PANK3: variants seen among roughly 807,000 people sequenced by gnomAD.
The protein encoded by PANK3 is pantothenate kinase 3, also known as hPanK3.
A neutral mutation model predicts 39.4 loss-of-function variants in PANK3; 20 were observed. The ratio of observed to expected loss-of-function variants is 0.51; its 90% CI spans 0.36 to 0.74. The LOEUF is 0.74. Among genes scored for constraint, PANK3 ranks in the 30% least tolerant of loss-of-function variants. The pLI, the probability that PANK3 is intolerant of heterozygous loss-of-function variation, is 0.00. For synonymous variants in PANK3, 140 were observed against 157.3 expected (o/e 0.89, Z 0.82); for missense variants, 265 against 437.0 (o/e 0.61, Z 3.51).
At chr5:168,568,597 A>C (rs764634057) in intron 2 of PANK3, 49 bp downstream of exon 2, 2 of 1,327,058 alleles carry the variant, frequency 1.5e-6, no homozygotes, top group Non-Finnish European at 2.1e-6. Flanking sequence ...ACCTACTCTC[A>C]TATTTAAAAA....
Position 168,556,419 on chromosome 5 carries a change from C to G in PANK3, c.*1152G>C, listed in dbSNP as rs1025957864. ...CTTGGTGACACTCAGCCTCTCTTCC[C>G]CTTTTCCTATGTTGCTCAATCTTCC... On this transcript the variant is annotated 3_prime_UTR_variant, in exon 7 of 7. Transcript: ENST00000239231. 1 of 152,264 alleles carries G rather than the reference C, an allele frequency of 6.6e-6. No individual in the cohort carries two copies. Among genetic ancestry groups the G allele is most frequent in the African/African-American group, 2.4e-5 (1 of 41,440 alleles). 9.4% of individuals were successfully genotyped at this position (152,264 alleles called of 1,614,324 possible).
intron 1 of PANK3, 32 bp from the exon 2 acceptor site, chr5:168,569,030 A>AAATAT (rs1554125888): frequency 4.2e-4 from 51 of 120,346 alleles, no homozygotes; most frequent in East Asian, 3.9e-3. Flanking sequence ...AAAAAAAAAA[A>AAATAT]ATATATATAT....
At chr5:168,571,450 T>G (rs1477135308) in intron 1 of PANK3, among the ~76,000 whole-genome samples, 1 of 152,190 alleles carries the variant, frequency 6.6e-6, no homozygotes, top group Non-Finnish European at 1.5e-5. Context: ...CAAACTTGCC[T>G]GAGGTCAAAC....
rs902192369 is a variant in PANK3 at position 168,554,405 on chromosome 5, A to C, written c.*3166T>G. On this transcript the variant is annotated 3_prime_UTR_variant, in exon 7 of 7. Coordinates refer to ENST00000239231, the MANE Select transcript of PANK3 (RefSeq NM_024594.4). ...TTTTCAGTAGACTATCAAGAGATGC[A>C]TGATAAAGACATTTCCCCATGTAGT... is the stretch of plus-strand genomic sequence containing the variant. 1.1e-4 allele frequency: 17 copies of C among 152,224 alleles called. No individual in the cohort carries two copies. Among genetic ancestry groups the C allele is most frequent in the African/African-American group, 3.9e-4 (16 of 41,462 alleles). The allele number at this position is 152,224 out of a possible 1,614,324, so 9.4% of individuals were successfully genotyped here.
In PANK3 at chr5:168,559,236, A is replaced by G; in HGVS notation, c.937-79T>C. On this transcript the variant is annotated intron_variant, in intron 5 of 6. Transcript: ENST00000239231. ...AAAAGGTTTCTAAATATTTATTTAA[A>G]ATTTATTTTAAAATGCAAAAAAACA... is the stretch of plus-strand genomic sequence containing the variant. 6 of 1,005,972 alleles carry G rather than the reference A, an allele frequency of 6.0e-6. No individual in the cohort carries two copies. In the South Asian group the frequency reaches 1.3e-4, roughly 22 times the overall value. 62.3% of individuals were successfully genotyped at this position (1,005,972 alleles called of 1,614,324 possible).
In PANK3 at chr5:168,556,832, TAGAC is replaced by T. The variant is rs940499376; in HGVS notation, c.*735_*738del. Reference sequence around the variant, plus strand: ...CATTACAATAGTCCCAGGACTTCATTAGACAGACTCCCAGTAATTAAGCCTCCAA... The same window carrying T: ...CATTACAATAGTCCCAGGACTTCATTAGACTCCCAGTAATTAAGCCTCCAA... On this transcript the variant is annotated 3_prime_UTR_variant, in exon 7 of 7. Coordinates refer to ENST00000239231, the MANE Select transcript of PANK3 (RefSeq NM_024594.4). The T allele has an allele frequency of 3.9e-5, 6 of 152,646 alleles. No individual in the cohort carries two copies. The highest frequency in any genetic ancestry group is 1.4e-4 in the African/African-American group (6 of 41,460). The allele number at this position is 152,646 out of a possible 1,614,324, so 9.5% of individuals were successfully genotyped here.
intron 1 of PANK3, among the ~76,000 whole-genome samples, chr5:168,573,641 A>G (rs971379040): frequency 6.1e-5 from 9 of 148,132 alleles, no homozygotes; most frequent in East Asian, 2.1e-4. Context: ...AGCATTAGGT[A>G]TATCTCCCAA....
At chr5:168,558,740 C>T (rs1193301754) in intron 6 of PANK3, among the ~76,000 whole-genome samples, 1 of 152,164 alleles carries the variant, frequency 6.6e-6, no homozygotes, top group East Asian at 1.9e-4. Flanking sequence ...CATGGTGGCT[C>T]ACACCTATAA....
rs754706475 is a variant in PANK3 at position 168,559,080 on chromosome 5, C to T, written c.1014G>A (p.Leu338=). 2 of 1,610,834 alleles carry T rather than the reference C, an allele frequency of 1.2e-6. No individual in the cohort carries two copies. The highest frequency in any genetic ancestry group is 3.3e-5 in the Admixed American group (2 of 59,902). ...TTAGTTGACCTTTTGACCAGTAATC[C>T]AGTGCATATGCCAAAAGTTTCATTG... ...TLSMKLLAYA[L]DYWSKGQLKA... is the part of the protein sequence containing the mutation. Residue 338 remains leucine, a synonymous_variant, in exon 6 of 7, where the codon CTG becomes CTA. Coordinates refer to ENST00000239231, the MANE Select transcript of PANK3 (RefSeq NM_024594.4).
chr5:168,578,686 C>T (rs898655745), intron 1 of PANK3: 1 of 152,194 alleles, frequency 6.6e-6, no homozygotes, highest in Non-Finnish European at 1.5e-5. Flanking sequence ...GTGACTTTAT[C>T]TTTCTTGTTT....
At chr5:168,568,045 A>G (rs1293136167) in intron 2 of PANK3, among the ~76,000 whole-genome samples, 1 of 152,238 alleles carries the variant, frequency 6.6e-6, no homozygotes. Flanking sequence ...TCTAATGGAA[A>G]AGACTAGAAG....
intron 1 of PANK3, among the ~76,000 whole-genome samples, chr5:168,572,898 T>G (rs1214215325): frequency 1.3e-5 from 2 of 152,062 alleles, no homozygotes; most frequent in Non-Finnish European, 2.9e-5. Context: ...GGGAACCTAG[T>G]GTGGGAGAGA....
intron 1 of PANK3, among the ~76,000 whole-genome samples, chr5:168,577,810 C>T (rs760615341): frequency 2.6e-5 from 4 of 152,200 alleles, no homozygotes; most frequent in Non-Finnish European, 4.4e-5. Flanking sequence ...TGGTCATACA[C>T]TGTTCACCAA....
Position 168,557,322 on chromosome 5 carries a change from T to C in PANK3, c.*249A>G, listed in dbSNP as rs1759364916. On this transcript the variant is annotated 3_prime_UTR_variant, in exon 7 of 7. Coordinates refer to ENST00000239231, the MANE Select transcript of PANK3 (RefSeq NM_024594.4). ...GCTACATAAAATAAAAAAATCTTTTTAAGAGGAAGCTCAATAATCAGAGGC... is the reference window on the plus strand; with the variant it reads ...GCTACATAAAATAAAAAAATCTTTTCAAGAGGAAGCTCAATAATCAGAGGC... 1 of 484,918 alleles carries C rather than the reference T, an allele frequency of 2.1e-6. No homozygotes were observed. The highest frequency in any genetic ancestry group is 3.3e-5 in the East Asian group (1 of 29,978). 30.0% of individuals were successfully genotyped at this position (484,918 alleles called of 1,614,324 possible).
chr5:168,569,906 G>A (rs1338247463), intron 1 of PANK3, among the ~76,000 whole-genome samples: 4 of 152,030 alleles, frequency 2.6e-5, no homozygotes, highest in African/African-American at 4.8e-5. Flanking sequence ...TTAAAAATTA[G>A]CTGGGCGTGG....
At position 168,561,376 on chromosome 5, in the gene PANK3, G is replaced by A; in HGVS notation, c.936+17C>T. 1 of 1,561,398 alleles carries A rather than the reference G, an allele frequency of 6.4e-7. No homozygotes were observed. Among genetic ancestry groups the A allele is most frequent in the Non-Finnish European group, 8.6e-7 (1 of 1,158,800 alleles). On this transcript the variant is annotated intron_variant, in intron 5 of 6. Transcript: ENST00000239231. ...ACATTTTTGATAATTCAAGTTTTGT[G>A]TTTTTTGTTTTTTTACCTCATTAAC...
Position 168,553,532 on chromosome 5 carries a change from G to A in PANK3, c.*4039C>T, listed in dbSNP as rs1037313232. On this transcript the variant is annotated 3_prime_UTR_variant, in exon 7 of 7. Coordinates refer to ENST00000239231, the MANE Select transcript of PANK3 (RefSeq NM_024594.4). ...GATGGCCACAGACAAGGGCCAGGGG[G>A]ACATGAGCAAAACCTCAGAGGGAGA... 2 of 331,648 alleles carry A rather than the reference G, an allele frequency of 6.0e-6. No individual in the cohort carries two copies. The highest frequency in any genetic ancestry group is 2.5e-5 in the South Asian group (1 of 39,510). 20.5% of individuals were successfully genotyped at this position (331,648 alleles called of 1,614,324 possible). A position where few individuals can be genotyped will look rare whatever the true frequency, so the allele number is the denominator to read the frequency against.
chr5:168,573,794 T>C (rs907018678), intron 1 of PANK3, among the ~76,000 whole-genome samples: 10 of 151,726 alleles, frequency 6.6e-5, no homozygotes, highest in Non-Finnish European at 1.2e-4. Context: ...TGCGATAGTT[T>C]ACTGAGAATG....
chr5:168,575,798 A>G (rs1290669097), intron 1 of PANK3, among the ~76,000 whole-genome samples: 2 of 152,136 alleles, frequency 1.3e-5, no homozygotes, highest in Admixed American at 1.3e-4. Flanking sequence ...AAGAAAAAAA[A>G]TAAAAAGAAA....
Sources: allele counts gnomAD v4.1 joint callset (sites outside exome capture counted in the v4.1 genomes callset), GRCh38; gene constraint gnomAD v4.1.1; transcripts MANE v1.5; gene names NCBI Gene and HGNC (gene_info 2026-07-23, HGNC 2026-07-21).